CADM2: variants seen among roughly 807,000 people sequenced by gnomAD.
The protein encoded by CADM2 is cell adhesion molecule 2.
A neutral mutation model predicts 49.8 loss-of-function variants in CADM2; 12 were observed. The observed-to-expected ratio is 0.24, with a 90% CI of 0.15 to 0.39. CADM2 has a LOEUF of 0.39. Among genes scored for constraint, CADM2 ranks in the 10% least tolerant of loss-of-function variants. The pLI is 1.00. For synonymous variants in CADM2, 214 were observed against 175.4 expected, an observed-to-expected ratio of 1.22 and a Z score of -1.74; for missense variants, 378 against 492.3, an observed-to-expected ratio of 0.77 and a Z score of 2.20.
intron 5 of CADM2, among the ~76,000 whole-genome samples, chr3:85,889,240 G>A (rs1366155489): frequency 1.3e-5 from 2 of 152,048 alleles, no homozygotes. Context: ...TTATATCCAT[G>A]TTTCTGGGTA....
At chr3:85,015,179 T>G (rs1350518559) in intron 1 of CADM2, among the ~76,000 whole-genome samples, 1 of 152,056 alleles carries the variant, frequency 6.6e-6, no homozygotes, top group Non-Finnish European at 1.5e-5. Flanking sequence ...ATATAATAGA[T>G]GTGTAATTTT....
At chr3:86,057,155 C>T (rs1209707303) in intron 8 of CADM2, among the ~76,000 whole-genome samples, 1 of 152,134 alleles carries the variant, frequency 6.6e-6, no homozygotes, top group Non-Finnish European at 1.5e-5. Flanking sequence ...TAATAGATGG[C>T]CCTTGAGTAA....
chr3:85,068,866 T>C (rs949720071), intron 1 of CADM2, among the ~76,000 whole-genome samples: 1 of 152,074 alleles, frequency 6.6e-6, no homozygotes, highest in Non-Finnish European at 1.5e-5. Context: ...TACCACATCA[T>C]TTTCTGAAGA....
At chr3:85,957,303 ATAT>A (rs1443897093) in intron 7 of CADM2, among the ~76,000 whole-genome samples, 1 of 151,764 alleles carries the variant, frequency 6.6e-6, no homozygotes, top group South Asian at 2.1e-4. Flanking sequence ...TGAACGATAC[ATAT>A]TATTATATTT....
At chr3:85,515,632 T>TATATATATA (rs1491095321) in intron 1 of CADM2, among the ~76,000 whole-genome samples, 11 of 94,296 alleles carry the variant, frequency 1.2e-4, no homozygotes, top group African/African-American at 4.4e-4. Flanking sequence ...TATATATATA[T>TATATATATA]TTTTTTTTTT....
chr3:85,034,475 AT>A lies in CADM2; in HGVS notation c.61+74808del, dbSNP rs1369546228. Among the ~76,000 whole-genome samples, 3 of 152,114 alleles carry A rather than the reference AT, an allele frequency of 2.0e-5. No individual in the cohort carries two copies. In the East Asian group the frequency reaches 5.8e-4, roughly 29 times the overall value. On this transcript the variant is annotated intron_variant, in intron 1 of 9. Coordinates refer to ENST00000383699, the MANE Select transcript of CADM2 (RefSeq NM_001167675.2). ...TAGTACTGTCTTGCATATATGCACC[AT>A]ATTTTCTTTATCTATTCATATGCTG...
chr3:85,465,039 C>A (rs1290041838), intron 1 of CADM2, among the ~76,000 whole-genome samples: 1 of 152,116 alleles, frequency 6.6e-6, no homozygotes, highest in Non-Finnish European at 1.5e-5. Flanking sequence ...GTCCCAGCAA[C>A]TCGGGAGGCT....
chr3:84,959,380 G>A lies in CADM2; in HGVS notation c.-228G>A, dbSNP rs1237063607. ...GTCGCGGCTGCACCACCAGCAGGAG[G>A]AGGAGGAGAAGAAACTATTTCGCGA... On this transcript the variant is annotated 5_prime_UTR_variant, in exon 1 of 10. Coordinates refer to ENST00000383699, the MANE Select transcript of CADM2 (RefSeq NM_001167675.2). 5 of 574,286 alleles carry A rather than the reference G, an allele frequency of 8.7e-6. No individual in the cohort carries two copies. The East Asian group carries it at 9.1e-5, about 10-fold the overall frequency. The allele number at this position is 574,286 out of a possible 1,614,324, so 35.6% of individuals were successfully genotyped here. A position where few individuals can be genotyped will look rare whatever the true frequency, so the allele number is the denominator to read the frequency against.
At chr3:86,061,920 A>G (rs1013749418) in intron 8 of CADM2, among the ~76,000 whole-genome samples, 2 of 149,962 alleles carry the variant, frequency 1.3e-5, no homozygotes, top group Non-Finnish European at 3.0e-5. Flanking sequence ...ATGGCAAAAT[A>G]TTTTAAAATT....
chr3:86,055,716 TATC>T (rs1456798929), intron 8 of CADM2, among the ~76,000 whole-genome samples: 2 of 152,090 alleles, frequency 1.3e-5, no homozygotes, highest in Non-Finnish European at 2.9e-5. Flanking sequence ...CACCTCCTAA[TATC>T]ATCACGTTGG....
At position 85,784,528 on chromosome 3, in the gene CADM2, AT is replaced by A. The variant is rs60210787; in HGVS notation, c.89-17516del. ...AGAAGAAAGAAAGAGATCTAAATAT[AT>A]TTATCTATCTATCTATCTATCTATC... is the stretch of plus-strand genomic sequence containing the variant. On this transcript the variant is annotated intron_variant, in intron 2 of 9. Coordinates refer to ENST00000383699, the MANE Select transcript of CADM2 (RefSeq NM_001167675.2). 9.0e-3 allele frequency among the ~76,000 whole-genome samples: 1,159 copies of A among 128,680 alleles called. 10 individuals carry two copies. The highest frequency in any genetic ancestry group is 0.03 in the African/African-American group (821 of 27,642). The allele number at this position is 128,680 out of a possible 152,430, so 84.4% of individuals were successfully genotyped here.
intron 3 of CADM2, among the ~76,000 whole-genome samples, chr3:85,851,530 T>C (rs2075109117): frequency 6.6e-6 from 1 of 151,692 alleles, no homozygotes; most frequent in Non-Finnish European, 1.5e-5. Flanking sequence ...AATGTTTTTA[T>C]TGTATTATTC....
chr3:86,041,661 T>G (rs1251684602), intron 8 of CADM2, among the ~76,000 whole-genome samples: 5 of 152,078 alleles, frequency 3.3e-5, no homozygotes, highest in South Asian at 4.1e-4. Flanking sequence ...CTGTCAACAT[T>G]AGACAGATCA....
rs960001943 is a variant in CADM2, at chr3:85,939,691, A to G, written c.791+3834A>G. On this transcript the variant is annotated intron_variant, in intron 7 of 9. Transcript: ENST00000383699. ...GTATTTGGCATCTATTCTGTAAAAG[A>G]AAATAATTATAGGTATTGATAAGTT... Among the ~76,000 whole-genome samples the G allele has an allele frequency of 7.9e-5, 12 of 151,436 alleles. No homozygotes were observed. In the East Asian group the frequency reaches 9.8e-4, roughly 12 times the overall value.
intron 8 of CADM2, among the ~76,000 whole-genome samples, chr3:86,062,922 AT>A (rs1311022993): frequency 6.6e-6 from 1 of 151,462 alleles, no homozygotes; most frequent in Non-Finnish European, 1.5e-5. Context: ...TGTGTGAGGT[AT>A]TTTTATCGGC....
intron 1 of CADM2, among the ~76,000 whole-genome samples, chr3:85,633,374 T>G (rs1396050561): frequency 1.3e-5 from 2 of 152,014 alleles, no homozygotes; most frequent in Non-Finnish European, 2.9e-5. Context: ...ATGCTTATAT[T>G]GGAAAAGTAT....
intron 1 of CADM2, among the ~76,000 whole-genome samples, chr3:85,000,166 T>C (rs964076868): frequency 4.1e-5 from 6 of 147,726 alleles, no homozygotes; most frequent in African/African-American, 1.5e-4. Flanking sequence ...CAGGGTATAG[T>C]GTAGTGGTAC....
intron 1 of CADM2, among the ~76,000 whole-genome samples, chr3:85,300,646 A>G (rs1409676172): frequency 6.6e-6 from 1 of 152,122 alleles, no homozygotes; most frequent in African/African-American, 2.4e-5. Context: ...GTGCTATGGA[A>G]CAACCACAGA....
chr3:85,532,442 T>C (rs1253480008), intron 1 of CADM2, among the ~76,000 whole-genome samples: 1 of 152,202 alleles, frequency 6.6e-6, no homozygotes, highest in Admixed American at 6.5e-5. Flanking sequence ...ATTTGTATTT[T>C]AAATATCTTT....
Sources: gnomAD v4.1 joint callset for allele counts (sites outside exome capture counted in the v4.1 genomes callset) on GRCh38, gnomAD v4.1.1 for gene constraint, MANE v1.5 for transcripts, NCBI Gene and HGNC (gene_info 2026-07-23, HGNC 2026-07-21) for gene names.